The following NCKAP5 variants were observed in gnomAD, a reference collection of about 807,000 sequenced individuals.
NCKAP5 encodes NCK associated protein 5.
A neutral mutation model predicts 167.0 loss-of-function variants in NCKAP5; 92 were observed. The ratio of observed to expected loss-of-function variants is 0.55; its 90% CI spans 0.47 to 0.66. NCKAP5 has a LOEUF of 0.66. NCKAP5 is among the 30% of genes least tolerant of loss of function. The pLI, the probability that NCKAP5 is intolerant of heterozygous loss-of-function variation, is 0.00. For synonymous variants in NCKAP5, 891 were observed against 877.4 expected (o/e 1.02, Z -0.27); for missense variants, 2,378 against 2,315.0 (o/e 1.03, Z -0.56).
At chr2:133,096,447 C>T (rs922259120) in intron 6 of NCKAP5, among the ~76,000 whole-genome samples, 5 of 151,384 alleles carry the variant, frequency 3.3e-5, no homozygotes, top group South Asian at 2.1e-4. Flanking sequence ...AAGATTGTGG[C>T]CCTGGACTCC....
At chr2:133,546,225 GC>G (rs1244286137) in intron 2 of NCKAP5, among the ~76,000 whole-genome samples, 2 of 152,142 alleles carry the variant, frequency 1.3e-5, no homozygotes, top group Non-Finnish European at 2.9e-5. Flanking sequence ...GTGAAAAAGT[GC>G]CCCCACTGAG....
At chr2:133,087,852 T>C (rs956893504) in intron 6 of NCKAP5, among the ~76,000 whole-genome samples, 1 of 152,218 alleles carries the variant, frequency 6.6e-6, no homozygotes, top group Non-Finnish European at 1.5e-5. Flanking sequence ...AACAAATATT[T>C]ACTGAGCAAT....
intron 5 of NCKAP5, among the ~76,000 whole-genome samples, chr2:133,208,983 G>A (rs1054635097): frequency 5.9e-5 from 9 of 152,038 alleles, no homozygotes; most frequent in Non-Finnish European, 1.3e-4. Context: ...ATTAAATGAT[G>A]TCGAAAAATT....
chr2:133,222,886 T>C (rs971186879), intron 4 of NCKAP5, among the ~76,000 whole-genome samples: 1 of 152,222 alleles, frequency 6.6e-6, no homozygotes, highest in African/African-American at 2.4e-5. Flanking sequence ...GTAGCTACCA[T>C]TGCCTGTTAC....
the NCKAP5 span, among the ~76,000 whole-genome samples, chr2:133,651,127 A>G: frequency 3.9e-5 from 6 of 152,222 alleles, no homozygotes; most frequent in Non-Finnish European, 5.9e-5. Context: ...ATGATTTCAT[A>G]TGATACCAAA....
the NCKAP5 span, among the ~76,000 whole-genome samples, chr2:133,672,654 C>G: frequency 6.6e-6 from 1 of 152,174 alleles, no homozygotes; most frequent in African/African-American, 2.4e-5. Context: ...AACTACTCAG[C>G]CCTGCCATGG....
At chr2:132,995,116 T>C (rs2077555328) in intron 6 of NCKAP5, among the ~76,000 whole-genome samples, 1 of 152,178 alleles carries the variant, frequency 6.6e-6, no homozygotes, top group African/African-American at 2.4e-5. Flanking sequence ...GACACTACTG[T>C]ACACTGTGAA....
At chr2:133,252,316 C>T (rs1368952917) in intron 4 of NCKAP5, among the ~76,000 whole-genome samples, 2 of 152,174 alleles carry the variant, frequency 1.3e-5, no homozygotes, top group Non-Finnish European at 2.9e-5. Flanking sequence ...GAAAGAAATC[C>T]ATCTGCTCAT....
intron 3 of NCKAP5, among the ~76,000 whole-genome samples, chr2:133,352,355 T>A (rs1178733915): frequency 6.6e-6 from 1 of 152,252 alleles, no homozygotes; most frequent in African/African-American, 2.4e-5. Flanking sequence ...CTGACATGCA[T>A]AAGTTGCTCA....
chr2:133,573,315 C>T (rs559712609), upstream of NCKAP5, among the ~76,000 whole-genome samples: 1 of 152,282 alleles, frequency 6.6e-6, no homozygotes, highest in Admixed American at 6.5e-5. Flanking sequence ...GCTGTTTTCC[C>T]TCCTGAGAGG....
At chr2:133,294,565 T>C (rs967772553) in intron 4 of NCKAP5, among the ~76,000 whole-genome samples, 2 of 152,224 alleles carry the variant, frequency 1.3e-5, no homozygotes, top group Non-Finnish European at 2.9e-5. Flanking sequence ...AATTTCTCTC[T>C]CTCAATTTAG....
intron 11 of NCKAP5, among the ~76,000 whole-genome samples, chr2:132,851,430 C>T (rs1689070553): frequency 6.6e-6 from 1 of 152,100 alleles, no homozygotes; most frequent in Admixed American, 6.5e-5. Flanking sequence ...ATCTTCATCC[C>T]CCTGATCACA....
chr2:133,031,320 G>A (rs565785952), intron 6 of NCKAP5, among the ~76,000 whole-genome samples: 1 of 152,182 alleles, frequency 6.6e-6, no homozygotes, highest in East Asian at 1.9e-4. Flanking sequence ...TGATTGTGAA[G>A]CATCAAATTC....
At chr2:133,371,114 G>A (rs1685779841) in intron 3 of NCKAP5, among the ~76,000 whole-genome samples, 1 of 152,256 alleles carries the variant, frequency 6.6e-6, no homozygotes, top group East Asian at 1.9e-4. Context: ...TCTATGTGTG[G>A]CTCAAAACAG....
In NCKAP5 at chr2:133,415,095, T is replaced by C. The variant is rs1689022940; in HGVS notation, c.69+102363A>G. 2.6e-5 allele frequency among the ~76,000 whole-genome samples: 4 copies of C among 152,320 alleles called. No individual in the cohort carries two copies. In the South Asian group the frequency reaches 8.3e-4, roughly 32 times the overall value. ...CCATTATGTCTCAGATTGATTCAGT[T>C]TGGTTACTCAGGTTAGCTCAACCCC... On this transcript the variant is annotated intron_variant, in intron 3 of 19. Transcript: ENST00000409261.
chr2:132,712,567 G>A (rs1480733283), intron 19 of NCKAP5, among the ~76,000 whole-genome samples: 1 of 152,106 alleles, frequency 6.6e-6, no homozygotes, highest in Non-Finnish European at 1.5e-5. Context: ...CAGGAGAATG[G>A]CGTGAACCCG....
At chr2:133,390,075 C>G (rs1687287148) in intron 3 of NCKAP5, among the ~76,000 whole-genome samples, 1 of 152,210 alleles carries the variant, frequency 6.6e-6, no homozygotes, top group South Asian at 2.1e-4. Context: ...AGGTAACATT[C>G]ATGTGATAAC....
intron 8 of NCKAP5, among the ~76,000 whole-genome samples, chr2:132,924,945 G>A (rs915181059): frequency 1.1e-4 from 17 of 152,026 alleles, no homozygotes; most frequent in Admixed American, 5.2e-4. Flanking sequence ...TAGAGATTTA[G>A]TGAAAATAAG....
At chr2:133,502,171 C>T (rs1195365771) in intron 3 of NCKAP5, among the ~76,000 whole-genome samples, 1 of 152,220 alleles carries the variant, frequency 6.6e-6, no homozygotes, top group Admixed American at 6.5e-5. Context: ...CTAGTTTGCT[C>T]ATATCTGCAT....
Sources: gnomAD v4.1 joint callset for allele counts (sites outside exome capture counted in the v4.1 genomes callset) on GRCh38, gnomAD v4.1.1 for gene constraint, MANE v1.5 for transcripts, NCBI Gene and HGNC (gene_info 2026-07-23, HGNC 2026-07-21) for gene names.